ITPR2: variants seen among roughly 807,000 people sequenced by gnomAD.
ITPR2 encodes inositol 1,4,5-trisphosphate-gated calcium channel ITPR2.
In ITPR2, 207 loss-of-function variants were observed where a neutral mutation model predicts 317.1. That is an observed-to-expected ratio of 0.65 (90% CI 0.58 to 0.73). ITPR2 has a LOEUF of 0.73. Ranked by LOEUF, ITPR2 falls within the 30% of genes least tolerant of loss-of-function variation. ITPR2 has a pLI of 0.00. For synonymous variants in ITPR2, 1,156 were observed against 1,149.1 expected (o/e 1.01, Z -0.12); for missense variants, 2,613 against 3,284.0 (o/e 0.80, Z 4.99).
At chr12:26,816,516 A>G (rs1370300614) in intron 1 of ITPR2, among the ~76,000 whole-genome samples, 2 of 152,204 alleles carry the variant, frequency 1.3e-5, no homozygotes, top group African/African-American at 2.4e-5. Context: ...CATTCCCTCA[A>G]CATACTTCTT....
chr12:26,655,999 A>G (rs2136903072), intron 19 of ITPR2, 147 bp from the exon 20 acceptor site: 2 of 797,842 alleles, frequency 2.5e-6, no homozygotes, highest in Non-Finnish European at 4.0e-6. Context: ...AAATGGGGCT[A>G]TTGTGAAATG....
chr12:26,662,916 C>A (rs1592010488), intron 15 of ITPR2, among the ~76,000 whole-genome samples: 1 of 152,058 alleles, frequency 6.6e-6, no homozygotes, highest in African/African-American at 2.4e-5. Context: ...AGTAATCCCC[C>A]CACCTTGGCC....
At chr12:26,541,210 G>A (rs1963061) in intron 37 of ITPR2, among the ~76,000 whole-genome samples, 22,011 of 150,970 alleles carry the variant, frequency 0.15, 2,290 homozygotes, top group Non-Finnish European at 0.23. Context: ...CCAGCTACTC[G>A]GGAGGCTGAG....
At chr12:26,482,942 T>C (rs1942579237) in intron 42 of ITPR2, among the ~76,000 whole-genome samples, 1 of 152,238 alleles carries the variant, frequency 6.6e-6, no homozygotes, top group Admixed American at 6.5e-5. Context: ...GAAAACTCTG[T>C]CTTCTGGACT....
At chr12:26,493,488 T>C (rs1377569118) in intron 39 of ITPR2, among the ~76,000 whole-genome samples, 1 of 152,224 alleles carries the variant, frequency 6.6e-6, no homozygotes. Context: ...AATAAATTCC[T>C]GTGTTCTAAT....
At chr12:26,472,928 C>T (rs971066815) in intron 45 of ITPR2, among the ~76,000 whole-genome samples, 2 of 151,988 alleles carry the variant, frequency 1.3e-5, no homozygotes, top group African/African-American at 4.8e-5. Flanking sequence ...GCTCTATCGC[C>T]CAGGATGGAG....
chr12:26,416,589 A>C (rs1018239710), intron 50 of ITPR2, among the ~76,000 whole-genome samples: 1 of 152,142 alleles, frequency 6.6e-6, no homozygotes, highest in Non-Finnish European at 1.5e-5. Flanking sequence ...CTTGCAAATA[A>C]TTGCTGACTA....
chr12:26,805,181 T>C (rs1317397543), intron 1 of ITPR2, among the ~76,000 whole-genome samples: 1 of 152,254 alleles, frequency 6.6e-6, no homozygotes, highest in East Asian at 1.9e-4. Flanking sequence ...TTTAAGAGTC[T>C]AATATCACAA....
chr12:26,779,760 G>A (rs1025477665), intron 2 of ITPR2, among the ~76,000 whole-genome samples: 1 of 152,240 alleles, frequency 6.6e-6, no homozygotes, highest in Admixed American at 6.5e-5. Context: ...CAGTGCACTT[G>A]GTTGTGCACT....
chr12:26,674,719 T>G (rs532612796), intron 13 of ITPR2, among the ~76,000 whole-genome samples: 1 of 152,176 alleles, frequency 6.6e-6, no homozygotes, highest in African/African-American at 2.4e-5. Flanking sequence ...ACTAAAGAGC[T>G]TCTGCACAAC....
intron 41 of ITPR2, among the ~76,000 whole-genome samples, chr12:26,484,969 C>A (rs1043991971): frequency 2.0e-5 from 3 of 152,142 alleles, no homozygotes; most frequent in Admixed American, 6.5e-5. Context: ...CCCATCTTGG[C>A]CTCCCAAAGT....
intron 1 of ITPR2, among the ~76,000 whole-genome samples, chr12:26,792,674 GTGCAATAGATACTAAATAAATATT>G (rs1337047187): frequency 1.3e-5 from 2 of 152,032 alleles, no homozygotes; most frequent in East Asian, 3.9e-4. Context: ...CTAGAATGAG[GTGCAATAGATACTAAATAAATATT>G]TGTTAAATAA....
Position 26,398,875 on chromosome 12 carries a change from C to T in ITPR2, c.7696+1G>A. The T allele has an allele frequency of 1.9e-6, 3 of 1,609,640 alleles. No homozygotes were observed. Among genetic ancestry groups the T allele is most frequent in the Non-Finnish European group, 2.5e-6 (3 of 1,178,568 alleles). ...TATTTTAGCATCTGCCGAACACTTA[C>T]CACAGATGAAACAAGTTGTCTTTAG... On this transcript the variant is annotated splice_donor_variant, in intron 54 of 56. Coordinates refer to ENST00000381340, the MANE Select transcript of ITPR2 (RefSeq NM_002223.4). LOFTEE classifies it high-confidence loss of function.
chr12:26,578,614 T>C, intron 34 of ITPR2, 99 bp downstream of exon 34: 1 of 1,086,730 alleles, frequency 9.2e-7, no homozygotes, highest in Non-Finnish European at 1.3e-6. Context: ...ACTGGTTTTC[T>C]TAAGTTGTAA....
chr12:26,692,533 A>ATGCAGCTT (rs1948260503), intron 10 of ITPR2, among the ~76,000 whole-genome samples: 1 of 152,194 alleles, frequency 6.6e-6, no homozygotes, highest in South Asian at 2.1e-4. Context: ...ATCTGAAAAG[A>ATGCAGCTT]TGCAGCTTTT....
intron 26 of ITPR2, among the ~76,000 whole-genome samples, chr12:26,606,395 T>C (rs936857652): frequency 6.6e-6 from 1 of 152,184 alleles, no homozygotes; most frequent in African/African-American, 2.4e-5. Flanking sequence ...ATCTTAGCGG[T>C]AGCTGTATTT....
Position 26,526,910 on chromosome 12 carries a change from A to G in ITPR2, c.5073+23337T>C, listed in dbSNP as rs75666956. On this transcript the variant is annotated intron_variant, in intron 37 of 56. Transcript: ENST00000381340. Reference sequence around the variant, plus strand: ...AGCTTGGTGGATGGTGATATTATTTATTAATAAGAGGAATGCAGATGGAGT... The same window carrying G: ...AGCTTGGTGGATGGTGATATTATTTGTTAATAAGAGGAATGCAGATGGAGT... Among the ~76,000 whole-genome samples the G allele has an allele frequency of 9.6e-3, 1,456 of 152,338 alleles. 19 individuals are homozygous for G. The highest frequency in any genetic ancestry group is 0.014 in the Middle Eastern group (4 of 294).
intron 2 of ITPR2, among the ~76,000 whole-genome samples, chr12:26,772,486 TA>T (rs1378980007): frequency 4.4e-3 from 317 of 72,204 alleles, no homozygotes; most frequent in African/African-American, 0.011. Context: ...ATAATATATA[TA>T]ATACATATAA....
intron 9 of ITPR2, among the ~76,000 whole-genome samples, chr12:26,697,827 A>G (rs1948379659): frequency 6.6e-6 from 1 of 150,862 alleles, no homozygotes; most frequent in South Asian, 2.1e-4. Flanking sequence ...TATAAATACT[A>G]AAATAACAAT....
Sources: gnomAD v4.1 joint callset for allele counts (sites outside exome capture counted in the v4.1 genomes callset) on GRCh38, gnomAD v4.1.1 for gene constraint, MANE v1.5 for transcripts, NCBI Gene and HGNC (gene_info 2026-07-23, HGNC 2026-07-21) for gene names.